Variants in FRMPD1 observed in about 807,000 individuals in gnomAD.
FRMPD1 encodes the protein FERM and PDZ domain-containing protein 1.
In FRMPD1, 76 loss-of-function variants were observed where a neutral mutation model predicts 117.8. The ratio of observed to expected loss-of-function variants is 0.65; its 90% CI spans 0.54 to 0.78. The LOEUF is 0.78. Ranked by LOEUF, FRMPD1 falls within the 30% of genes least tolerant of loss-of-function variation. FRMPD1 has a pLI of 0.00. For missense variants in FRMPD1, 1,786 were observed against 1,964.5 expected (o/e 0.91, Z 1.72); for synonymous variants, 783 against 770.4 (o/e 1.02, Z -0.27).
intron 6 of FRMPD1, among the ~76,000 whole-genome samples, chr9:37,721,229 C>T (rs1431177843): frequency 6.6e-6 from 1 of 152,182 alleles, no homozygotes; most frequent in Non-Finnish European, 1.5e-5. Flanking sequence ...TCTGCATCAG[C>T]CACATAAGGC....
At chr9:37,619,761 A>G in the FRMPD1 span, among the ~76,000 whole-genome samples, 43 of 146,704 alleles carry the variant, frequency 2.9e-4, no homozygotes, top group Admixed American at 2.8e-3. Context: ...CCAGCTCAGA[A>G]AAAAAAAAAA....
intron 1 of FRMPD1, among the ~76,000 whole-genome samples, chr9:37,692,345 T>C (rs1484178098): frequency 6.6e-6 from 1 of 152,096 alleles, no homozygotes; most frequent in Non-Finnish European, 1.5e-5. Context: ...TCTCTTCCTA[T>C]GGGTCACAGT....
At chr9:37,711,799 C>T (rs751299802) in intron 5 of FRMPD1, among the ~76,000 whole-genome samples, 2 of 152,074 alleles carry the variant, frequency 1.3e-5, no homozygotes, top group African/African-American at 2.4e-5. Context: ...TTAGAAGGAC[C>T]AAATGAGATG....
At chr9:37,729,947 G>A (rs931471907) in intron 8 of FRMPD1, 94 bp downstream of exon 8, 196 of 1,341,344 alleles carry the variant, frequency 1.5e-4, no homozygotes, top group Admixed American at 4.0e-5. Context: ...CAGCACATCT[G>A]CAGGTTTGAT....
At position 37,729,959 on chromosome 9, in the gene FRMPD1, C is replaced by T. The variant is rs1823795746; in HGVS notation, c.738+106C>T. ...GCTCAGCACATCTGCAGGTTTGATG[C>T]ACTTTCTCTTGCCCCAGAAGGCACA... On this transcript the variant is annotated intron_variant, in intron 8 of 15. Coordinates refer to ENST00000377765, the MANE Select transcript of FRMPD1 (RefSeq NM_014907.3). 12 of 1,198,382 alleles carry T rather than the reference C, an allele frequency of 1.0e-5. No individual in the cohort carries two copies. In the Admixed American group the frequency reaches 2.4e-4, roughly 24 times the overall value. 74.2% of individuals were successfully genotyped at this position (1,198,382 alleles called of 1,614,324 possible).
chr9:37,734,824 GA>G (rs1563957818), intron 12 of FRMPD1, among the ~76,000 whole-genome samples: 1 of 152,178 alleles, frequency 6.6e-6, no homozygotes, highest in African/African-American at 2.4e-5. Context: ...CTAGATCACA[GA>G]AAGGAAAGTT....
At chr9:37,721,539 A>G (rs1823398744) in intron 6 of FRMPD1, among the ~76,000 whole-genome samples, 1 of 152,232 alleles carries the variant, frequency 6.6e-6, no homozygotes, top group African/African-American at 2.4e-5. Flanking sequence ...GAAAGTAATT[A>G]TAGTCATGCA....
At chr9:37,637,174 G>C in the FRMPD1 span, 1 of 1,609,808 alleles carries the variant, frequency 6.2e-7, no homozygotes, top group Non-Finnish European at 8.5e-7. Flanking sequence ...CCACCCCGAT[G>C]GTGCTGATGT....
At chr9:37,705,288 T>G (rs972725798) in intron 2 of FRMPD1, among the ~76,000 whole-genome samples, 1 of 152,234 alleles carries the variant, frequency 6.6e-6, no homozygotes, top group Non-Finnish European at 1.5e-5. Flanking sequence ...CTGATAACTA[T>G]TATTAGCATT....
intron 1 of FRMPD1, chr9:37,662,105 T>C (rs1185078949): frequency 6.6e-6 from 1 of 152,182 alleles, no homozygotes; most frequent in Non-Finnish European, 1.5e-5. Flanking sequence ...AAAGATTTAT[T>C]GGTTGTGGCT....
chr9:37,739,051 G>C (rs906291346), intron 14 of FRMPD1, among the ~76,000 whole-genome samples: 1 of 152,116 alleles, frequency 6.6e-6, no homozygotes, highest in Non-Finnish European at 1.5e-5. Flanking sequence ...CCACGAGAAG[G>C]GCAGCTAGAC....
chr9:37,636,698 C>A, the FRMPD1 span: 1 of 1,559,842 alleles, frequency 6.4e-7, no homozygotes, highest in Non-Finnish European at 8.6e-7. Context: ...CTAGCAACAA[C>A]CACCGCCAGC....
intron 2 of FRMPD1, among the ~76,000 whole-genome samples, chr9:37,695,728 C>T (rs552862129): frequency 2.5e-4 from 38 of 152,240 alleles, no homozygotes; most frequent in Non-Finnish European, 4.3e-4. Flanking sequence ...CCTTGAATCC[C>T]CTGCATCCAC....
chr9:37,695,273 A>G (rs1284249844), intron 2 of FRMPD1, among the ~76,000 whole-genome samples: 1 of 152,174 alleles, frequency 6.6e-6, no homozygotes. Flanking sequence ...CATTTCCACC[A>G]GCAGTATGTG....
In FRMPD1 at chr9:37,732,398, A is replaced by G. The variant is rs1177401040; in HGVS notation, c.953A>G (p.Tyr318Cys). Residue 318 changes from tyrosine to cysteine, a missense_variant, in exon 10 of 16, where the codon TAC (tyrosine) becomes TGC (cysteine). Tyr to Cys is a radical substitution (Grantham distance 194). Transcript: ENST00000377765. Reference sequence around the variant, plus strand: ...GCTCTGCACATCCAGGAACGGATCTACGCCTGTGCCCAGCCACAGAAGATC... The same window carrying G: ...GCTCTGCACATCCAGGAACGGATCTGCGCCTGTGCCCAGCCACAGAAGATC... ...LAALHIQERI[Y>C]ACAQPQKISL... 2 of 1,613,844 alleles carry G rather than the reference A, an allele frequency of 1.2e-6. No homozygotes were observed. The highest frequency in any genetic ancestry group is 1.7e-6 in the Non-Finnish European group (2 of 1,179,964).
Position 37,650,976 on chromosome 9 carries a change from G to C in FRMPD1, c.-123G>C, listed in dbSNP as rs1282075451. On this transcript the variant is annotated 5_prime_UTR_variant, in exon 1 of 16. Transcript: ENST00000377765. ...GGGAGGCGGAGCCCGAGCCGAGCCC[G>C]AGCAGCGCTGCTTCCCGAGCCTTGG... 1 of 151,592 alleles carries C rather than the reference G, an allele frequency of 6.6e-6. No individual in the cohort carries two copies. Among genetic ancestry groups the C allele is most frequent in the Non-Finnish European group, 1.5e-5 (1 of 67,832 alleles). 9.4% of individuals were successfully genotyped at this position (151,592 alleles called of 1,614,324 possible).
rs752477964 is a variant in FRMPD1 at position 37,745,319 on chromosome 9, C to T, written c.3287C>T (p.Ala1096Val). 4 of 1,610,250 alleles carry T rather than the reference C, an allele frequency of 2.5e-6. No individual in the cohort carries two copies. In the South Asian group the frequency reaches 4.4e-5, roughly 18 times the overall value. ...ECGINPGEKI[A>V]SIPTKEEPQG... ...GGAATAAATCCAGGAGAGAAGATAG[C>T]TTCTATCCCTACAAAGGAAGAGCCA... Residue 1096 changes from alanine to valine, a missense_variant, in exon 16 of 16, where the codon GCT becomes GTT. Coordinates refer to ENST00000377765, the MANE Select transcript of FRMPD1 (RefSeq NM_014907.3).
intron 1 of FRMPD1, among the ~76,000 whole-genome samples, chr9:37,665,295 C>T (rs1281369888): frequency 6.6e-6 from 1 of 152,110 alleles, no homozygotes; most frequent in Non-Finnish European, 1.5e-5. Flanking sequence ...AGAAAACTTT[C>T]AAAATTTTCT....
At position 37,702,499 on chromosome 9, in the gene FRMPD1, G is replaced by C. The variant is rs1379010842; in HGVS notation, c.102-4917G>C. On this transcript the variant is annotated intron_variant, in intron 2 of 15. Transcript: ENST00000377765. ...GAACTTAGGTCTGGCTAGGAAATCA[G>C]AGAAGGAAGATATGACCTTTGAGCT... is the stretch of plus-strand genomic sequence containing the variant. Among the ~76,000 whole-genome samples the C allele has an allele frequency of 2.6e-5, 4 of 152,240 alleles. No homozygotes were observed. The East Asian group carries it at 7.7e-4, about 29-fold the overall frequency.
Sources: gnomAD v4.1 joint callset for allele counts (sites outside exome capture counted in the v4.1 genomes callset) on GRCh38, gnomAD v4.1.1 for gene constraint, MANE v1.5 for transcripts, NCBI Gene and HGNC (gene_info 2026-07-23, HGNC 2026-07-21) for gene names.